Variants in ADGRA3 observed in about 807,000 individuals in gnomAD.
The protein encoded by ADGRA3 is G-protein coupled receptor 125.
In ADGRA3, 56 loss-of-function variants were observed where a neutral mutation model predicts 119.8. The observed-to-expected ratio is 0.47, with a 90% CI of 0.38 to 0.58. The LOEUF is 0.58. ADGRA3 is among the 20% of genes least tolerant of loss of function. The probability of loss-of-function intolerance (pLI) is 0.00; values close to 1 mark genes in which losing one functional copy is unlikely to be tolerated. For synonymous variants in ADGRA3, 607 were observed against 623.8 expected (o/e 0.97, Z 0.40); for missense variants, 1,516 against 1,649.0 (o/e 0.92, Z 1.40).
chr4:22,499,253 G>C (rs1043643013), intron 1 of ADGRA3, among the ~76,000 whole-genome samples: 4 of 152,174 alleles, frequency 2.6e-5, no homozygotes, highest in Non-Finnish European at 5.9e-5. Context: ...ATACACGTTA[G>C]CAATGTTGTT....
At chr4:22,474,372 A>C (rs1717962469) in intron 1 of ADGRA3, among the ~76,000 whole-genome samples, 1 of 152,234 alleles carries the variant, frequency 6.6e-6, no homozygotes, top group Non-Finnish European at 1.5e-5. Context: ...ATGCACTCAC[A>C]GACAAACACA....
chr4:22,438,017 T>C (rs541916905), intron 8 of ADGRA3, among the ~76,000 whole-genome samples: 52 of 152,316 alleles, frequency 3.4e-4, no homozygotes, highest in Non-Finnish European at 6.3e-4. Flanking sequence ...AACAAAACCA[T>C]TTGTTAAAAA....
At chr4:22,402,099 C>A (rs2306135) in intron 15 of ADGRA3, among the ~76,000 whole-genome samples, 4 of 152,072 alleles carry the variant, frequency 2.6e-5, no homozygotes, top group Admixed American at 6.6e-5. Flanking sequence ...AACAGGAAGA[C>A]ACATTCTAGC....
intron 6 of ADGRA3, among the ~76,000 whole-genome samples, chr4:22,444,188 T>C (rs1436562830): frequency 1.3e-5 from 2 of 152,208 alleles, no homozygotes; most frequent in Non-Finnish European, 2.9e-5. Context: ...TTTGAGAATT[T>C]AGGATATGCT....
intron 1 of ADGRA3, among the ~76,000 whole-genome samples, chr4:22,494,001 G>A (rs927809955): frequency 4.6e-5 from 7 of 151,904 alleles, no homozygotes; most frequent in Admixed American, 1.3e-4. Context: ...TCAGGGGTTC[G>A]AGACCAGCCT....
rs777307868 is a variant in ADGRA3 at position 22,413,655 on chromosome 4, C to G, written c.1969G>C (p.Ala657Pro). 6.2e-7 allele frequency: 1 copy of G among 1,613,942 alleles called. No individual in the cohort carries two copies. Among genetic ancestry groups the G allele is most frequent in the South Asian group, 1.1e-5 (1 of 91,082 alleles). ...ACAGTACGTCGTTTTCCATCATCAG[C>G]CAAATTTGTTGAATTTCCAGTGGCT... Reference protein sequence around the residue: ...FPATGNSTNLADDGKRRTVVT... With the variant: ...FPATGNSTNLPDDGKRRTVVT... The change falls in exon 13 of 19, where the codon GCT (alanine) becomes CCT (proline). Residue 657 changes from alanine (A) to proline (P), a missense_variant. Transcript: ENST00000334304.
intron 10 of ADGRA3, among the ~76,000 whole-genome samples, chr4:22,425,727 T>G (rs1222081891): frequency 1.3e-5 from 2 of 152,214 alleles, no homozygotes; most frequent in African/African-American, 4.8e-5. Flanking sequence ...AATCCCGTTT[T>G]GTATCCAATA....
chr4:22,466,858 G>A (rs555263472), intron 2 of ADGRA3, among the ~76,000 whole-genome samples: 4 of 152,302 alleles, frequency 2.6e-5, no homozygotes, highest in East Asian at 3.9e-4. Flanking sequence ...TCCACTCAGC[G>A]AGGGGGTGAC....
intron 8 of ADGRA3, among the ~76,000 whole-genome samples, chr4:22,437,010 A>G (rs980978359): frequency 6.6e-6 from 1 of 152,218 alleles, no homozygotes; most frequent in African/African-American, 2.4e-5. Flanking sequence ...AGTGTCAAAG[A>G]CAAATAATTC....
At chr4:22,484,873 C>CT (rs199868914) in intron 1 of ADGRA3, among the ~76,000 whole-genome samples, 7 of 149,236 alleles carry the variant, frequency 4.7e-5, no homozygotes, top group Non-Finnish European at 6.0e-5. Context: ...TTTAGGCTGC[C>CT]TTTTTTTTTT....
intron 7 of ADGRA3, among the ~76,000 whole-genome samples, chr4:22,439,758 G>A (rs1218188834): frequency 6.6e-6 from 1 of 152,120 alleles, no homozygotes; most frequent in Admixed American, 6.5e-5. Flanking sequence ...TACTGAACTA[G>A]GAAGAAGTAT....
intron 17 of ADGRA3, among the ~76,000 whole-genome samples, chr4:22,391,945 C>T (rs892466226): frequency 6.6e-6 from 1 of 152,148 alleles, no homozygotes; most frequent in African/African-American, 2.4e-5. Flanking sequence ...GCTTCTCACA[C>T]AGCGCAGTCA....
intron 11 of ADGRA3, among the ~76,000 whole-genome samples, chr4:22,421,811 G>A (rs1377853506): frequency 7.0e-6 from 1 of 143,116 alleles, no homozygotes; most frequent in African/African-American, 2.6e-5. Flanking sequence ...ACTTAGGGAG[G>A]CAGAGGTTGC....
At chr4:22,480,269 G>GTTC (rs1718221041) in intron 1 of ADGRA3, among the ~76,000 whole-genome samples, 1 of 152,080 alleles carries the variant, frequency 6.6e-6, no homozygotes, top group Non-Finnish European at 1.5e-5. Flanking sequence ...TAGTCATGAG[G>GTTC]GAAACACAAA....
At position 22,413,701 on chromosome 4, in the gene ADGRA3, G is replaced by T; in HGVS notation, c.1923C>A (p.Phe641Leu). Residue 641 changes from phenylalanine to leucine, a missense_variant, in exon 13 of 19, where the codon TTC becomes TTA. Phe to Leu is a conservative substitution (Grantham distance 22). Transcript: ENST00000334304. ...DSLYKLQLIAFRNGKLFPATG... is the reference protein window; with the variant it reads ...DSLYKLQLIALRNGKLFPATG... ...TGGCTGGAAAAAGCTTTCCATTGCG[G>T]AATGCAATGAGTTGAAGCTTGTAAA... The T allele has an allele frequency of 1.9e-6, 3 of 1,613,804 alleles. No homozygotes were observed. The highest frequency in any genetic ancestry group is 2.5e-6 in the Non-Finnish European group (3 of 1,179,764).
intron 1 of ADGRA3, among the ~76,000 whole-genome samples, chr4:22,510,009 CAAAAAAAAAA>C (rs545010218): frequency 6.1e-5 from 6 of 98,914 alleles, no homozygotes; most frequent in Non-Finnish European, 9.6e-5. Flanking sequence ...GACTCCGTCT[CAAAAAAAAAA>C]AAAAAAAAAG....
At chr4:22,466,456 T>C (rs553008780) in intron 2 of ADGRA3, among the ~76,000 whole-genome samples, 2 of 152,242 alleles carry the variant, frequency 1.3e-5, no homozygotes, top group Non-Finnish European at 2.9e-5. Context: ...GCTGGGCGCA[T>C]TGGCTCACGC....
chr4:22,433,737 C>A (rs1386099605), intron 10 of ADGRA3, among the ~76,000 whole-genome samples: 1 of 152,154 alleles, frequency 6.6e-6, no homozygotes, highest in East Asian at 1.9e-4. Flanking sequence ...TAGAAACATC[C>A]CACTCCCGGA....
chr4:22,494,065 C>T (rs1038038484), intron 1 of ADGRA3, among the ~76,000 whole-genome samples: 1 of 151,838 alleles, frequency 6.6e-6, no homozygotes, highest in Non-Finnish European at 1.5e-5. Flanking sequence ...ATTAGCTGGG[C>T]GTGGAGGCGG....
Sources: allele counts gnomAD v4.1 joint callset (sites outside exome capture counted in the v4.1 genomes callset), GRCh38; gene constraint gnomAD v4.1.1; transcripts MANE v1.5; gene names NCBI Gene and HGNC (gene_info 2026-07-23, HGNC 2026-07-21).